PCDHGB2: variants seen among roughly 807,000 people sequenced by gnomAD.
PCDHGB2 encodes protocadherin gamma-B2.
A neutral mutation model predicts 59.3 loss-of-function variants in PCDHGB2; 55 were observed. The observed-to-expected ratio is 0.93, with a 90% CI of 0.75 to 1.16. The LOEUF (loss-of-function observed/expected upper bound fraction) is 1.16, where lower values mean the gene tolerates loss of function less well. Ranked by LOEUF, PCDHGB2 falls within the 50% of genes most tolerant of loss-of-function variation. The pLI is 0.00. For synonymous variants in PCDHGB2, 516 were observed against 512.0 expected, an observed-to-expected ratio of 1.01 and a Z score of -0.11; for missense variants, 1,228 against 1,198.5, an observed-to-expected ratio of 1.02 and a Z score of -0.36.
intron 1 of PCDHGB2, among the ~76,000 whole-genome samples, chr5:141,429,387 T>TA (rs11410533): frequency 0.01 from 1,566 of 151,436 alleles, 8 homozygotes; most frequent in Middle Eastern, 0.031. Flanking sequence ...GTTTTTTTTT[T>TA]AAAAAAAATT....
At chr5:141,393,211 T>G (rs1310978287) in intron 1 of PCDHGB2, 3 of 1,613,502 alleles carry the variant, frequency 1.9e-6, no homozygotes, top group Non-Finnish European at 1.7e-6. Flanking sequence ...AACCCAAAAT[T>G]CCAGGTCGAA....
chr5:141,380,050 C>A (rs112095214), intron 1 of PCDHGB2, among the ~76,000 whole-genome samples: 11,568 of 151,826 alleles, frequency 0.076, 586 homozygotes, highest in African/African-American at 0.14. Context: ...CAGGTGCATG[C>A]CACCATGCCT....
Position 141,362,441 on chromosome 5 carries a change from A to G in PCDHGB2, c.2306A>G (p.Asn769Ser), listed in dbSNP as rs761899854. Residue 769 changes from asparagine to serine, a missense_variant, in exon 1 of 4, where the codon AAC becomes AGC. Physicochemically the swap from Asn to Ser is conservative, Grantham distance 46. Around this residue, in one of 3 missense-constraint regions of PCDHGB2, gnomAD observed 433 missense variants for 441.8 expected, o/e 0.98. Transcript: ENST00000522605. ...GCCAAGACAGAGTTCAATTTTCTGA[A>G]CATAACCCCGGAATTGGTTCCCGCG... ...QSAKTEFNFL[N>S]ITPELVPAQD... is the part of the protein sequence containing the mutation. 1 of 1,614,052 alleles carries G rather than the reference A, an allele frequency of 6.2e-7. No individual in the cohort carries two copies. The highest frequency in any genetic ancestry group is 1.1e-5 in the South Asian group (1 of 91,090).
intron 1 of PCDHGB2, among the ~76,000 whole-genome samples, chr5:141,469,170 G>A (rs2099192781): frequency 6.6e-6 from 1 of 152,042 alleles, no homozygotes; most frequent in South Asian, 2.1e-4. Context: ...CAGCTACTTG[G>A]GAGGCTGAGG....
intron 1 of PCDHGB2, chr5:141,478,148 C>A: frequency 6.2e-7 from 1 of 1,614,066 alleles, no homozygotes; most frequent in Non-Finnish European, 8.5e-7. Flanking sequence ...AGCCGAGTTC[C>A]CCTCTGGCTC....
chr5:141,408,676 G>A (rs1315766272), intron 1 of PCDHGB2: 2 of 1,613,652 alleles, frequency 1.2e-6, no homozygotes, highest in Non-Finnish European at 1.7e-6. Flanking sequence ...ACCCTGCCAC[G>A]GATCCTGATA....
intron 1 of PCDHGB2, chr5:141,409,769 G>C (rs1413636372): frequency 1.2e-6 from 2 of 1,612,776 alleles, no homozygotes; most frequent in Non-Finnish European, 1.7e-6. Context: ...CTTTGATCAC[G>C]AGCAGCTGCG....
At chr5:141,421,875 A>C (rs1345376105) in intron 1 of PCDHGB2, 2 of 1,613,648 alleles carry the variant, frequency 1.2e-6, no homozygotes, top group South Asian at 2.2e-5. Flanking sequence ...TCACAGCTTT[A>C]GATGGAGGCG....
intron 1 of PCDHGB2, chr5:141,390,426 T>C: frequency 9.8e-7 from 1 of 1,021,884 alleles, no homozygotes; most frequent in Non-Finnish European, 1.4e-6. Flanking sequence ...TAAAAAGCTG[T>C]CATATCATTC....
chr5:141,385,182 G>T (rs374159387), intron 1 of PCDHGB2: 2 of 1,614,138 alleles, frequency 1.2e-6, no homozygotes, highest in Non-Finnish European at 8.5e-7. Flanking sequence ...CCCTCACCGC[G>T]GACTCTCGGA....
intron 1 of PCDHGB2, chr5:141,377,040 T>G (rs1229321442): frequency 1.9e-5 from 3 of 154,184 alleles, no homozygotes; most frequent in African/African-American, 7.2e-5. Flanking sequence ...CTTTGATTAG[T>G]GCTTAGTTTT....
At chr5:141,470,078 G>C (rs542998375) in intron 1 of PCDHGB2, among the ~76,000 whole-genome samples, 21 of 152,182 alleles carry the variant, frequency 1.4e-4, no homozygotes, top group Non-Finnish European at 2.9e-4. Context: ...GTAGTGATCT[G>C]AGATCATGCC....
rs147522770 is a variant in PCDHGB2, at chr5:141,504,573, C to T, written c.2481-820C>T. On this transcript the variant is annotated intron_variant, in intron 2 of 3. Coordinates refer to ENST00000522605, the MANE Select transcript of PCDHGB2 (RefSeq NM_018923.3). ...TGGGGGACTGGCATTCTAGGGAACA[C>T]CATCTGCCCAGGATTCACAGCAAGA... Among the ~76,000 whole-genome samples the T allele has an allele frequency of 5.4e-5, 8 of 148,158 alleles. No individual in the cohort carries two copies. In the East Asian group the frequency reaches 1.6e-3, roughly 30 times the overall value.
chr5:141,400,473 G>T (rs1196529035), intron 1 of PCDHGB2: 1 of 1,613,946 alleles, frequency 6.2e-7, no homozygotes, highest in Non-Finnish European at 8.5e-7. Context: ...ATTCATCTGG[G>T]GCCTTATTTC....
intron 1 of PCDHGB2, among the ~76,000 whole-genome samples, chr5:141,450,424 CTTTAA>C (rs2098679800): frequency 1.3e-5 from 2 of 152,146 alleles, no homozygotes; most frequent in East Asian, 3.9e-4. Context: ...TGTATAATGC[CTTTAA>C]TTTATATTTG....
At position 141,493,235 on chromosome 5, in the gene PCDHGB2, T is replaced by G. The variant is rs541360337; in HGVS notation, c.2422-1572T>G. Among the ~76,000 whole-genome samples the G allele has an allele frequency of 6.6e-6, 1 of 152,352 alleles. No homozygotes were observed. The highest frequency in any genetic ancestry group is 1.5e-5 in the Non-Finnish European group (1 of 68,036). On this transcript the variant is annotated intron_variant, in intron 1 of 3. Transcript: ENST00000522605. This position sits in a 1 kb window ranked among gnomAD's most constrained non-coding sequence, Gnocchi z 4.3. ...TGCTCTTCCCACCATTGCTGTTGGC[T>G]AGGTACTAACATGCCTCTCTTATAA...
At chr5:141,421,849 G>C in intron 1 of PCDHGB2, 4 of 1,613,766 alleles carry the variant, frequency 2.5e-6, no homozygotes, top group Non-Finnish European at 3.4e-6. Flanking sequence ...GAAAGAGGCT[G>C]CTCACCTGCT....
chr5:141,393,635 C>T, intron 1 of PCDHGB2: 2 of 1,613,868 alleles, frequency 1.2e-6, no homozygotes, highest in East Asian at 4.5e-5. Context: ...AGGGAATCAA[C>T]GGAAAAGTGG....
chr5:141,431,408 G>A lies in PCDHGB2; in HGVS notation c.2422-63399G>A. ...CCACCTGGTCCTTACGGCCTCCGAC[G>A]GGGGCGACCCGGTGCGCACAGGCAC... On this transcript the variant is annotated intron_variant, in intron 1 of 3. Transcript: ENST00000522605. The surrounding 1 kb of genome is among the most constrained non-coding windows in gnomAD (Gnocchi z 4.8). 6.2e-7 allele frequency: 1 copy of A among 1,613,718 alleles called. No individual in the cohort carries two copies. The highest frequency in any genetic ancestry group is 2.2e-5 in the East Asian group (1 of 44,882).
Sources: gnomAD v4.1 joint callset for allele counts (sites outside exome capture counted in the v4.1 genomes callset) on GRCh38, gnomAD v4.1.1 for gene constraint, gnomAD v4.1.1 regional missense constraint, Gnocchi (gnomAD v3.1) non-coding constraint, MANE v1.5 for transcripts, NCBI Gene and HGNC (gene_info 2026-07-23, HGNC 2026-07-21) for gene names.